Variants in SAMD5 observed in about 807,000 individuals in gnomAD.
SAMD5 encodes sterile alpha motif domain-containing protein 5.
Under a neutral mutation model 11.3 loss-of-function variants are expected in SAMD5, and 13 were observed. The observed-to-expected ratio is 1.15, with a 90% CI of 0.75 to 1.83. The LOEUF is 1.83. SAMD5 is among the 40% of genes most tolerant of loss of function. The pLI is 0.00. For missense variants in SAMD5, 255 were observed against 239.1 expected (o/e 1.07, Z -0.44); for synonymous variants, 129 against 111.3 (o/e 1.16, Z -1.00).
the SAMD5 span, among the ~76,000 whole-genome samples, chr6:147,797,081 C>G: frequency 1.3e-3 from 140 of 105,124 alleles, 14 homozygotes; most frequent in East Asian, 0.041. Context: ...CCTAATTGCC[C>G]TGGCCAGAAC....
At position 147,633,865 on chromosome 6, in the gene SAMD5, T is replaced by C. The variant is rs565727611; in HGVS notation, c.163-103452T>C. On this transcript the variant is annotated intron_variant, in intron 1 of 1. Transcript: ENST00000566741. ...CATACAATTCACCTGTTTTAAAGTA[T>C]GTACTTTAATGGTTTTACTATATCC... Among the ~76,000 whole-genome samples, 4 of 152,258 alleles carry C rather than the reference T, an allele frequency of 2.6e-5. No individual in the cohort carries two copies. The East Asian group carries it at 7.7e-4, about 29-fold the overall frequency.
chr6:147,574,759 T>G (rs1034624601), downstream of SAMD5, among the ~76,000 whole-genome samples: 6 of 152,192 alleles, frequency 3.9e-5, no homozygotes, highest in Non-Finnish European at 5.9e-5. Flanking sequence ...GAATGTTTTG[T>G]GAAGCCTCTT....
At chr6:147,588,312 G>GTTTTT (rs34758455) in intron 1 of SAMD5, among the ~76,000 whole-genome samples, 2 of 103,140 alleles carry the variant, frequency 1.9e-5, no homozygotes, top group Non-Finnish European at 1.8e-5. Context: ...TACTTTGTTG[G>GTTTTT]TTTTTTTTTT....
In SAMD5 at chr6:147,728,252, C is replaced by A. The variant is rs12202325; in HGVS notation, c.163-9065C>A. ...ACCAGCCTGGCCAATATGGTGAAAT[C>A]CTGTCTCTACAAAAAATCAGCCAGA... On this transcript the variant is annotated intron_variant, in intron 1 of 1. Transcript: ENST00000566741. 9.4e-3 allele frequency among the ~76,000 whole-genome samples: 1,425 copies of A among 152,222 alleles called. 9 individuals carry two copies. The highest frequency in any genetic ancestry group is 0.016 in the Non-Finnish European group (1,097 of 68,024).
At chr6:147,518,200 G>A (rs990322324) in intron 1 of SAMD5, among the ~76,000 whole-genome samples, 3 of 152,064 alleles carry the variant, frequency 2.0e-5, no homozygotes, top group African/African-American at 7.2e-5. Context: ...ATAGTGTAAC[G>A]GTGTTTTTAG....
At chr6:147,899,199 C>T in the SAMD5 span, among the ~76,000 whole-genome samples, 2,902 of 118,164 alleles carry the variant, frequency 0.025, 122 homozygotes, top group African/African-American at 0.1. Flanking sequence ...AAAAAGATAA[C>T]GTGTCAACAG....
the SAMD5 span, among the ~76,000 whole-genome samples, chr6:147,890,058 T>C: frequency 5.3e-5 from 8 of 152,326 alleles, no homozygotes; most frequent in South Asian, 6.2e-4. Context: ...GCTATCATCA[T>C]GTGCTTACTT....
the SAMD5 span, among the ~76,000 whole-genome samples, chr6:147,820,942 T>C: frequency 2.0e-5 from 3 of 152,228 alleles, no homozygotes; most frequent in Non-Finnish European, 4.4e-5. Flanking sequence ...TTTCTGTAAC[T>C]AAAAAAGTAT....
chr6:147,821,469 A>T, the SAMD5 span, among the ~76,000 whole-genome samples: 3 of 152,210 alleles, frequency 2.0e-5, no homozygotes, highest in Non-Finnish European at 4.4e-5. Flanking sequence ...TGACAGTCAC[A>T]AAGGCAGCCA....
the SAMD5 span, among the ~76,000 whole-genome samples, chr6:147,926,368 A>T: frequency 2.6e-5 from 4 of 152,152 alleles, no homozygotes; most frequent in Non-Finnish European, 5.9e-5. Flanking sequence ...ATTTTTTAAT[A>T]ATAGCCATTC....
intron 1 of SAMD5, among the ~76,000 whole-genome samples, chr6:147,564,179 G>C (rs1267256550): frequency 6.6e-6 from 1 of 152,084 alleles, no homozygotes; most frequent in Non-Finnish European, 1.5e-5. Flanking sequence ...CAAAATATAG[G>C]CTTGACAAGG....
chr6:147,635,477 G>A (rs1392826142), intron 1 of SAMD5, among the ~76,000 whole-genome samples: 1 of 152,180 alleles, frequency 6.6e-6, no homozygotes, highest in Non-Finnish European at 1.5e-5. Context: ...ATTTTCTAAA[G>A]TAGTTTTTAG....
the SAMD5 span, among the ~76,000 whole-genome samples, chr6:147,844,601 G>A: frequency 1.3e-4 from 19 of 151,958 alleles, no homozygotes; most frequent in African/African-American, 4.6e-4. Flanking sequence ...ATGCTCATCA[G>A]TGGATAAGTG....
At chr6:147,558,111 G>T (rs1223111998) in intron 1 of SAMD5, among the ~76,000 whole-genome samples, 1 of 152,168 alleles carries the variant, frequency 6.6e-6, no homozygotes, top group Non-Finnish European at 1.5e-5. Context: ...TACCGTCATG[G>T]CAATTATATT....
At chr6:147,902,163 T>G in the SAMD5 span, among the ~76,000 whole-genome samples, 2 of 152,152 alleles carry the variant, frequency 1.3e-5, no homozygotes, top group Non-Finnish European at 2.9e-5. Flanking sequence ...TCATTCCTGG[T>G]CCAAATGGCC....
chr6:147,742,443 G>C (rs1791892904), downstream of SAMD5, among the ~76,000 whole-genome samples: 1 of 152,076 alleles, frequency 6.6e-6, no homozygotes, highest in South Asian at 2.1e-4. Flanking sequence ...TTATCCTGGG[G>C]CTATCCTGGT....
At chr6:147,663,623 T>TAA (rs11300161) in intron 1 of SAMD5, among the ~76,000 whole-genome samples, 1 of 147,498 alleles carries the variant, frequency 6.8e-6, no homozygotes, top group African/African-American at 2.5e-5. Context: ...CTGTGTCTAC[T>TAA]AAAAAAAAAA....
chr6:147,650,744 C>G (rs995075176), intron 1 of SAMD5, among the ~76,000 whole-genome samples: 5 of 152,136 alleles, frequency 3.3e-5, no homozygotes, highest in African/African-American at 1.2e-4. Flanking sequence ...ACAGAACTTT[C>G]AGGGAGGAGA....
the SAMD5 span, among the ~76,000 whole-genome samples, chr6:147,932,179 T>A: frequency 6.6e-6 from 1 of 152,176 alleles, no homozygotes; most frequent in Non-Finnish European, 1.5e-5. Flanking sequence ...TCCTATTTTG[T>A]AAGTAAACAA....
Sources: allele counts gnomAD v4.1 joint callset (sites outside exome capture counted in the v4.1 genomes callset), GRCh38; gene constraint gnomAD v4.1.1; transcripts MANE v1.5; gene names NCBI Gene and HGNC (gene_info 2026-07-23, HGNC 2026-07-21).